FHIT: variants seen among roughly 807,000 people sequenced by gnomAD.
FHIT encodes the protein bis(5'-adenosyl)-triphosphatase.
Under a neutral mutation model 17.9 loss-of-function variants are expected in FHIT, and 19 were observed. The ratio of observed to expected loss-of-function variants is 1.06; its 90% confidence interval spans 0.74 to 1.56. The LOEUF (loss-of-function observed/expected upper bound fraction) is 1.56. FHIT is among the 40% of genes most tolerant of loss of function. The probability of loss-of-function intolerance (pLI) is 0.00; values close to 1 mark genes in which losing one functional copy is unlikely to be tolerated. For synonymous variants in FHIT, 81 were observed against 69.7 expected (o/e 1.16, Z -0.81); for missense variants, 248 against 189.2 (o/e 1.31, Z -1.82).
intron 5 of FHIT, among the ~76,000 whole-genome samples, chr3:60,058,225 ATC>A (rs1702163593): frequency 7.1e-6 from 1 of 140,872 alleles, no homozygotes; most frequent in Non-Finnish European, 1.5e-5. Flanking sequence ...GCTCACTGCA[ATC>A]TCCGCCTCCT....
At chr3:60,852,532 C>G (rs1015668069) in intron 3 of FHIT, among the ~76,000 whole-genome samples, 1 of 152,074 alleles carries the variant, frequency 6.6e-6, no homozygotes, top group Non-Finnish European at 1.5e-5. Flanking sequence ...AGTCTGGCAC[C>G]TAACTGCATG....
intron 4 of FHIT, among the ~76,000 whole-genome samples, chr3:60,553,873 G>A (rs1377317594): frequency 6.6e-6 from 1 of 151,968 alleles, no homozygotes; most frequent in African/African-American, 2.4e-5. Flanking sequence ...ATCACTTGAG[G>A]TCAGGAGTTT....
At chr3:60,111,027 C>T (rs1474463123) in intron 5 of FHIT, among the ~76,000 whole-genome samples, 2 of 151,970 alleles carry the variant, frequency 1.3e-5, no homozygotes, top group Non-Finnish European at 2.9e-5. Context: ...GTAACTCATA[C>T]ATCCATATTG....
chr3:59,837,013 C>T (rs1027567064), intron 8 of FHIT, among the ~76,000 whole-genome samples: 1 of 152,136 alleles, frequency 6.6e-6, no homozygotes, highest in East Asian at 1.9e-4. Context: ...CCATTCAACA[C>T]TAGTATTTGG....
chr3:60,063,142 T>C (rs1448465965), intron 5 of FHIT, among the ~76,000 whole-genome samples: 2 of 152,076 alleles, frequency 1.3e-5, no homozygotes, highest in Non-Finnish European at 2.9e-5. Context: ...GAAGACAAAA[T>C]TCACAGAGAA....
At chr3:59,831,961 G>A (rs1701179223) in intron 8 of FHIT, among the ~76,000 whole-genome samples, 1 of 152,020 alleles carries the variant, frequency 6.6e-6, no homozygotes, top group African/African-American at 2.4e-5. Flanking sequence ...AGAGCAAATG[G>A]GGACTCTCAA....
At chr3:61,147,470 G>A (rs909899423) in intron 2 of FHIT, among the ~76,000 whole-genome samples, 1 of 151,862 alleles carries the variant, frequency 6.6e-6, no homozygotes, top group Non-Finnish European at 1.5e-5. Context: ...GAGTGCCAAG[G>A]TTCTTCTGCA....
At chr3:60,422,635 C>T (rs1041982533) in intron 5 of FHIT, among the ~76,000 whole-genome samples, 4 of 151,996 alleles carry the variant, frequency 2.6e-5, no homozygotes, top group Admixed American at 6.6e-5. Context: ...ATGCCTTTCC[C>T]GAGTGAGGTG....
chr3:60,268,945 C>T (rs1706725448), intron 5 of FHIT, among the ~76,000 whole-genome samples: 1 of 151,932 alleles, frequency 6.6e-6, no homozygotes, highest in African/African-American at 2.4e-5. Context: ...GTCAACCTGC[C>T]CTTTCTGGCT....
intron 4 of FHIT, among the ~76,000 whole-genome samples, chr3:60,810,475 G>A (rs1436298981): frequency 6.6e-6 from 1 of 152,152 alleles, no homozygotes; most frequent in African/African-American, 2.4e-5. Flanking sequence ...GATTTAATGA[G>A]CATATACTGT....
chr3:60,986,271 T>C (rs1444579825), intron 3 of FHIT, among the ~76,000 whole-genome samples: 9 of 152,226 alleles, frequency 5.9e-5, no homozygotes. Context: ...AATGAATTAC[T>C]ATCACTATCA....
At chr3:60,518,398 T>A (rs1402107151) in intron 5 of FHIT, among the ~76,000 whole-genome samples, 1 of 152,182 alleles carries the variant, frequency 6.6e-6, no homozygotes, top group Non-Finnish European at 1.5e-5. Context: ...AGCAATTAGA[T>A]AATAAAATGT....
intron 5 of FHIT, among the ~76,000 whole-genome samples, chr3:60,215,317 A>T (rs1401297529): frequency 6.6e-6 from 1 of 152,070 alleles, no homozygotes; most frequent in Admixed American, 6.5e-5. Flanking sequence ...TGGTGAAACT[A>T]AAAATACAAA....
chr3:60,919,232 C>T (rs1055948458), intron 3 of FHIT, among the ~76,000 whole-genome samples: 2 of 152,122 alleles, frequency 1.3e-5, no homozygotes, highest in Admixed American at 6.5e-5. Flanking sequence ...TGAAAACACA[C>T]GCGTTATATT....
intron 5 of FHIT, among the ~76,000 whole-genome samples, chr3:60,406,504 C>T (rs754307164): frequency 6.6e-6 from 1 of 152,206 alleles, no homozygotes; most frequent in African/African-American, 2.4e-5. Flanking sequence ...ACACACGGCA[C>T]TTCAGAGAAA....
intron 5 of FHIT, among the ~76,000 whole-genome samples, chr3:60,155,377 A>G (rs902009453): frequency 5.3e-5 from 8 of 152,108 alleles, no homozygotes; most frequent in Non-Finnish European, 1.0e-4. Flanking sequence ...AAAACAGGAC[A>G]CTATTCCCAC....
At chr3:61,219,193 T>C in intron 1 of FHIT, among the ~76,000 whole-genome samples, 1 of 152,172 alleles carries the variant, frequency 6.6e-6, no homozygotes, top group East Asian at 1.9e-4. Flanking sequence ...TATTATAATA[T>C]TATGGAACCA....
intron 3 of FHIT, among the ~76,000 whole-genome samples, chr3:60,871,487 C>A (rs1250059090): frequency 2.0e-5 from 3 of 152,060 alleles, no homozygotes; most frequent in African/African-American, 7.2e-5. Context: ...TAAACATGAT[C>A]ATTTTTAAAA....
chr3:60,497,358 T>C (rs945610987), intron 5 of FHIT, among the ~76,000 whole-genome samples: 3 of 152,204 alleles, frequency 2.0e-5, no homozygotes, highest in Non-Finnish European at 2.9e-5. Context: ...TATGTTAAAT[T>C]TTTTAAGAAG....
Sources: allele counts gnomAD v4.1 joint callset (sites outside exome capture counted in the v4.1 genomes callset), GRCh38; gene constraint gnomAD v4.1.1; transcripts MANE v1.5; gene names NCBI Gene and HGNC (gene_info 2026-07-23, HGNC 2026-07-21).